GPHN: variants seen among roughly 807,000 people sequenced by gnomAD.
GPHN encodes gephyrin.
In GPHN, 17 loss-of-function variants were observed where a neutral mutation model predicts 95.5. That is an observed-to-expected ratio of 0.18 (90% CI 0.12 to 0.27). GPHN has a LOEUF of 0.27. Ranked by LOEUF, GPHN falls within the 10% of genes least tolerant of loss-of-function variation. GPHN has a pLI of 1.00. For synonymous variants in GPHN, 320 were observed against 322.5 expected, an observed-to-expected ratio of 0.99 and a Z score of 0.08; for missense variants, 660 against 978.1, an observed-to-expected ratio of 0.67 and a Z score of 4.34.
downstream of GPHN, among the ~76,000 whole-genome samples, chr14:67,183,806 C>T (rs528491210): frequency 4.6e-5 from 7 of 151,178 alleles, no homozygotes; most frequent in South Asian, 4.2e-4. Context: ...TCAGGTGATC[C>T]GCTGGGATTA....
chr14:66,583,543 A>G (rs1203525639), intron 1 of GPHN, among the ~76,000 whole-genome samples: 13 of 152,102 alleles, frequency 8.5e-5, no homozygotes, highest in African/African-American at 3.1e-4. Context: ...TCTTTAATCC[A>G]TCTTGAATTA....
chr14:66,923,892 A>G (rs2066344983), intron 7 of GPHN, among the ~76,000 whole-genome samples: 1 of 151,740 alleles, frequency 6.6e-6, no homozygotes, highest in African/African-American at 2.4e-5. Context: ...GCTAGTAAGT[A>G]TTTAAGTTTT....
chr14:66,675,933 A>G (rs749193026), intron 1 of GPHN, among the ~76,000 whole-genome samples: 3 of 152,102 alleles, frequency 2.0e-5, no homozygotes, highest in Non-Finnish European at 4.4e-5. Flanking sequence ...TTCTATAAAA[A>G]CATCACTGAT....
the GPHN span, among the ~76,000 whole-genome samples, chr14:67,225,926 A>AGAGTGTGT: frequency 7.3e-6 from 1 of 136,630 alleles, no homozygotes. Flanking sequence ...TAATGCTGTG[A>AGAGTGTGT]GTGTGTGTGT....
At position 66,991,380 on chromosome 14, in the gene GPHN, T is replaced by C. The variant is rs2071408098; in HGVS notation, c.963+26055T>C. 4.6e-5 allele frequency among the ~76,000 whole-genome samples: 7 copies of C among 152,100 alleles called. No homozygotes were observed. In the South Asian group the frequency reaches 1.5e-3, roughly 32 times the overall value. On this transcript the variant is annotated intron_variant, in intron 9 of 22. Transcript: ENST00000478722. ...CATAGAGGAAAAATTAATTTTCCAT[T>C]TAGTCAAATGGATGAATCTATTAAG...
chr14:67,139,098 T>C (rs113960546), intron 17 of GPHN, among the ~76,000 whole-genome samples: 8,256 of 151,394 alleles, frequency 0.055, 250 homozygotes, highest in Middle Eastern at 0.068. Context: ...TGGCGGACAT[T>C]TGTAATCCCA....
intron 8 of GPHN, among the ~76,000 whole-genome samples, chr14:66,941,707 C>T (rs1399427954): frequency 6.6e-6 from 1 of 151,478 alleles, no homozygotes; most frequent in Non-Finnish European, 1.5e-5. Context: ...ACTTGTTTCT[C>T]CAATTGCATC....
chr14:67,056,807 G>A (rs2075593725), intron 10 of GPHN, among the ~76,000 whole-genome samples: 1 of 150,266 alleles, frequency 6.7e-6, no homozygotes, highest in Non-Finnish European at 1.5e-5. Context: ...GCCCACAGTG[G>A]GGGTGGGGGG....
intron 3 of GPHN, among the ~76,000 whole-genome samples, chr14:66,785,673 T>A (rs2059747346): frequency 7.2e-6 from 1 of 138,288 alleles, no homozygotes; most frequent in Non-Finnish European, 1.5e-5. Context: ...AAATTGAAAT[T>A]ATGCATAGTA....
intron 8 of GPHN, among the ~76,000 whole-genome samples, chr14:66,952,700 C>CT (rs1387732256): frequency 1.3e-5 from 2 of 151,918 alleles, no homozygotes; most frequent in African/African-American, 2.4e-5. Context: ...TTTTTTTCTT[C>CT]TTTTTTGCTT....
chr14:66,929,703 C>CTTTTTTTTTTTTTTTTTTTTTTTT (rs748817797), intron 8 of GPHN, among the ~76,000 whole-genome samples: 1 of 143,056 alleles, frequency 7.0e-6, no homozygotes, highest in Non-Finnish European at 1.5e-5. Context: ...TCTGTGTGTG[C>CTTTTTTTTTTTTTTTTTTTTTTTT]TTTTTTTTTT....
chr14:66,829,515 A>G (rs183130472), intron 4 of GPHN, among the ~76,000 whole-genome samples: 1 of 152,192 alleles, frequency 6.6e-6, no homozygotes, highest in African/African-American at 2.4e-5. Context: ...TTTATGTCCC[A>G]TTATTACTTC....
chr14:67,090,953 A>G (rs2077123175), intron 12 of GPHN, among the ~76,000 whole-genome samples: 1 of 151,884 alleles, frequency 6.6e-6, no homozygotes, highest in Non-Finnish European at 1.5e-5. Flanking sequence ...AGCCTTAGTA[A>G]ACTACCTGGC....
chr14:67,661,452 A>G, the GPHN span, among the ~76,000 whole-genome samples: 1 of 151,850 alleles, frequency 6.6e-6, no homozygotes, highest in Non-Finnish European at 1.5e-5. Context: ...GTTGTCTCTT[A>G]AGACAGAAAG....
chr14:66,558,214 T>C (rs1594956379), intron 1 of GPHN, among the ~76,000 whole-genome samples: 1 of 152,110 alleles, frequency 6.6e-6, no homozygotes, highest in Admixed American at 6.6e-5. Context: ...GTGTATAAGA[T>C]ACTGTATAAG....
intron 4 of GPHN, among the ~76,000 whole-genome samples, chr14:66,863,999 A>G (rs904528237): frequency 6.6e-6 from 1 of 152,178 alleles, no homozygotes; most frequent in Non-Finnish European, 1.5e-5. Flanking sequence ...TCTGCAGAGC[A>G]AAGGAACAAT....
the GPHN span, chr14:67,198,387 A>G: frequency 1.4e-6 from 2 of 1,432,362 alleles, no homozygotes; most frequent in Non-Finnish European, 1.9e-6. Context: ...GAAAACTGAA[A>G]AGGATGGTAG....
rs532988825 is a variant in GPHN at position 66,688,122 on chromosome 14, A to T, written c.143+6937A>T. ...ACATACTGTATTCTTGAAATAAAGT[A>T]AACTAGAGAAAAGAAAGTATTATTA... On this transcript the variant is annotated intron_variant, in intron 2 of 22. Coordinates refer to ENST00000478722, the MANE Select transcript of GPHN (RefSeq NM_020806.5). Among the ~76,000 whole-genome samples, 864 of 152,368 alleles carry T rather than the reference A, an allele frequency of 5.7e-3. 2 individuals are homozygous for T. Among genetic ancestry groups the T allele is most frequent in the South Asian group, 0.014 (70 of 4,828 alleles).
intron 4 of GPHN, among the ~76,000 whole-genome samples, chr14:66,827,605 A>G (rs554952847): frequency 3.6e-5 from 3 of 83,660 alleles, no homozygotes; most frequent in East Asian, 6.6e-4. Flanking sequence ...ATTTGTTGCT[A>G]TGTAACTTAT....
Sources: gnomAD v4.1 joint callset for allele counts (sites outside exome capture counted in the v4.1 genomes callset) on GRCh38, gnomAD v4.1.1 for gene constraint, MANE v1.5 for transcripts, NCBI Gene and HGNC (gene_info 2026-07-23, HGNC 2026-07-21) for gene names.